The following BEND7 variants were observed in gnomAD, a reference collection of about 807,000 sequenced individuals.
BEND7 encodes BEN domain-containing protein 7.
Under a neutral mutation model 50.9 loss-of-function variants are expected in BEND7, and 28 were observed. The observed-to-expected ratio is 0.55, with a 90% CI of 0.41 to 0.75. The LOEUF is 0.75. Among genes scored for constraint, BEND7 ranks in the 30% least tolerant of loss-of-function variants. BEND7 has a pLI of 0.00. For synonymous variants in BEND7, 170 were observed against 183.9 expected, an observed-to-expected ratio of 0.92 and a Z score of 0.61; for missense variants, 477 against 491.3, an observed-to-expected ratio of 0.97 and a Z score of 0.28.
intron 6 of BEND7, among the ~76,000 whole-genome samples, chr10:13,470,793 C>G (rs2074742540): frequency 6.6e-6 from 1 of 152,154 alleles, no homozygotes; most frequent in Admixed American, 6.5e-5. Flanking sequence ...ACAGTTCTGG[C>G]TGAAAACGTT....
At chr10:13,467,008 C>T (rs998501981) in intron 6 of BEND7, among the ~76,000 whole-genome samples, 4 of 152,086 alleles carry the variant, frequency 2.6e-5, no homozygotes, top group Non-Finnish European at 4.4e-5. Flanking sequence ...AAGGCGGGTG[C>T]GGGGCAGGGG....
chr10:13,489,388 C>G lies in BEND7; in HGVS notation c.837+3223G>C, dbSNP rs922025263. Among the ~76,000 whole-genome samples, 11 of 152,254 alleles carry G rather than the reference C, an allele frequency of 7.2e-5. No individual in the cohort carries two copies. In the East Asian group the frequency reaches 2.1e-3, roughly 29 times the overall value. The stretch of plus-strand genomic sequence containing the variant: ...TGACTGAGTGTTCGTCACACACAGG[C>G]ATTGGGCTAGAATGGGCACCCGCAA... On this transcript the variant is annotated intron_variant, in intron 5 of 8. Transcript: ENST00000466271.
intron 3 of BEND7, 120 bp from the exon 4 acceptor site, chr10:13,497,008 T>A: frequency 7.9e-7 from 1 of 1,259,366 alleles, no homozygotes; most frequent in Non-Finnish European, 1.1e-6. Context: ...TGTGCAATTA[T>A]GATGAAGCTG....
chr10:13,484,159 A>C (rs2076061056), intron 5 of BEND7, among the ~76,000 whole-genome samples: 1 of 152,240 alleles, frequency 6.6e-6, no homozygotes, highest in Non-Finnish European at 1.5e-5. Context: ...CAGCCGGGGC[A>C]CAGGTGACTG....
intron 3 of BEND7, 40 bp from the exon 4 acceptor site, chr10:13,496,928 CAAA>C (rs5783327): frequency 4.6e-3 from 5,128 of 1,124,616 alleles, no homozygotes; most frequent in South Asian, 0.012. Context: ...CCAAACAAAC[CAAA>C]AAAAAAAAAA....
At chr10:13,522,421 T>C (rs1194618123) in intron 2 of BEND7, among the ~76,000 whole-genome samples, 1 of 152,178 alleles carries the variant, frequency 6.6e-6, no homozygotes, top group Non-Finnish European at 1.5e-5. Flanking sequence ...CTGCTATTCG[T>C]GAGGTCAGGT....
chr10:13,505,839 A>T (rs1204519489), intron 2 of BEND7, among the ~76,000 whole-genome samples: 1 of 152,190 alleles, frequency 6.6e-6, no homozygotes, highest in Non-Finnish European at 1.5e-5. Context: ...CTACAAATGT[A>T]CCAGTGCTAA....
chr10:13,468,297 G>T (rs980397746), intron 6 of BEND7, among the ~76,000 whole-genome samples: 1 of 152,178 alleles, frequency 6.6e-6, no homozygotes, highest in Non-Finnish European at 1.5e-5. Context: ...GAGACTTGGG[G>T]TAAACCAGGA....
Position 13,492,759 on chromosome 10 carries a change from G to A in BEND7, c.689C>T (p.Thr230Ile). Residue 230 changes from threonine (T) to isoleucine (I), a missense_variant, in exon 5 of 9, where the codon ACT (threonine) becomes ATT (isoleucine). Around this residue, in one of 3 missense-constraint regions of BEND7, gnomAD observed 396 missense variants for 384.2 expected, o/e 1.03. Coordinates refer to ENST00000466271, the MANE Select transcript of BEND7 (RefSeq NM_001369863.1). ...TGACCCACTGGGCTTCTGTTTCACA[G>A]TAAGAGGTTCCACAGTCTTTGGGGG... ...KVPPKTVEPL[T>I]VKQKPSGSEM... is the part of the protein sequence containing the mutation. 1 of 1,613,792 alleles carries A rather than the reference G, an allele frequency of 6.2e-7. No individual in the cohort carries two copies. The highest frequency in any genetic ancestry group is 8.5e-7 in the Non-Finnish European group (1 of 1,179,950).
chr10:13,448,746 C>T lies in BEND7; in HGVS notation c.1184-1430G>A, dbSNP rs565425980. Among the ~76,000 whole-genome samples the T allele has an allele frequency of 4.6e-5, 7 of 152,042 alleles. No homozygotes were observed. In the South Asian group the frequency reaches 1.0e-3, roughly 23 times the overall value. On this transcript the variant is annotated intron_variant, in intron 7 of 8. Coordinates refer to ENST00000466271, the MANE Select transcript of BEND7 (RefSeq NM_001369863.1). ...TGATGTTGTATTTGGGAGGCCGAGGCGGGTGGATCACGAGGTCAGGAGATC... is the reference window on the plus strand; with the variant it reads ...TGATGTTGTATTTGGGAGGCCGAGGTGGGTGGATCACGAGGTCAGGAGATC...
At chr10:13,495,923 A>C (rs1291955871) in intron 4 of BEND7, among the ~76,000 whole-genome samples, 2 of 152,202 alleles carry the variant, frequency 1.3e-5, no homozygotes, top group Non-Finnish European at 2.9e-5. Context: ...CAAGAGGGAA[A>C]ACTTAATACA....
chr10:13,474,217 A>G (rs2075216606), intron 6 of BEND7, among the ~76,000 whole-genome samples: 1 of 151,912 alleles, frequency 6.6e-6, no homozygotes, highest in African/African-American at 2.4e-5. Context: ...CTCGGGGCCG[A>G]CATCCGTCAT....
intron 6 of BEND7, among the ~76,000 whole-genome samples, chr10:13,463,129 T>C (rs1213465594): frequency 1.3e-5 from 2 of 152,266 alleles, no homozygotes; most frequent in African/African-American, 2.4e-5. Flanking sequence ...AATCCATTTA[T>C]GCTGGAGATT....
chr10:13,463,759 T>TA (rs1203263105), intron 6 of BEND7, among the ~76,000 whole-genome samples: 2 of 152,152 alleles, frequency 1.3e-5, no homozygotes, highest in Non-Finnish European at 2.9e-5. Context: ...TTCGGTAAGA[T>TA]AAAAGACATT....
chr10:13,510,240 A>C (rs2078184207), intron 2 of BEND7, among the ~76,000 whole-genome samples: 1 of 152,202 alleles, frequency 6.6e-6, no homozygotes, highest in South Asian at 2.1e-4. Context: ...TTATCTCCCT[A>C]ATTATTAATG....
chr10:13,452,832 T>C (rs1405292403), intron 6 of BEND7, among the ~76,000 whole-genome samples, 174 bp from the exon 7 acceptor site: 1 of 152,232 alleles, frequency 6.6e-6, no homozygotes, highest in African/African-American at 2.4e-5. Flanking sequence ...GATTGACAGG[T>C]CCTGGGTAGG....
intron 2 of BEND7, among the ~76,000 whole-genome samples, chr10:13,520,638 G>A (rs2079020976): frequency 6.6e-6 from 1 of 152,186 alleles, no homozygotes; most frequent in Non-Finnish European, 1.5e-5. Context: ...GTGGATGTCA[G>A]GAGACCCCAC....
At chr10:13,456,566 C>T (rs1211257860) in intron 6 of BEND7, among the ~76,000 whole-genome samples, 1 of 152,140 alleles carries the variant, frequency 6.6e-6, no homozygotes, top group African/African-American at 2.4e-5. Flanking sequence ...GGGAGAAAAT[C>T]AACCAGGTTG....
At chr10:13,474,216 G>A (rs1279507958) in intron 6 of BEND7, among the ~76,000 whole-genome samples, 1 of 151,360 alleles carries the variant, frequency 6.6e-6, no homozygotes, top group African/African-American at 2.4e-5. Flanking sequence ...ACTCGGGGCC[G>A]ACATCCGTCA....
Sources: allele counts gnomAD v4.1 joint callset (sites outside exome capture counted in the v4.1 genomes callset), GRCh38; gene constraint gnomAD v4.1.1; regional missense constraint gnomAD v4.1.1; transcripts MANE v1.5; gene names NCBI Gene and HGNC (gene_info 2026-07-23, HGNC 2026-07-21).